NRXN1: variants seen among roughly 807,000 people sequenced by gnomAD.
The protein encoded by NRXN1 is neurexin 1.
NRXN1 carries 39 observed loss-of-function variants against 150.9 expected under a neutral mutation model. That is an observed-to-expected ratio of 0.26 (90% CI 0.20 to 0.34). NRXN1 has a LOEUF of 0.34. NRXN1 is among the 10% of genes least tolerant of loss of function. NRXN1 has a pLI of 1.00. For missense variants in NRXN1, 1,815 were observed against 1,949.9 expected, an observed-to-expected ratio of 0.93 and a Z score of 1.30; for synonymous variants, 924 against 757.0, an observed-to-expected ratio of 1.22 and a Z score of -3.62.
chr2:50,339,363 T>A (rs1474598524), intron 17 of NRXN1, among the ~76,000 whole-genome samples: 9 of 152,294 alleles, frequency 5.9e-5, no homozygotes, highest in Non-Finnish European at 1.2e-4. Context: ...GGTCACATTA[T>A]GCAATACATT....
intron 18 of NRXN1, among the ~76,000 whole-genome samples, chr2:50,157,937 C>A (rs2059124942): frequency 2.0e-5 from 3 of 151,190 alleles, no homozygotes; most frequent in South Asian, 2.1e-4. Flanking sequence ...TAGGAGTAAT[C>A]CCCCGAGAGT....
At chr2:50,169,711 C>CAAAAAAAA (rs11296551) in intron 18 of NRXN1, among the ~76,000 whole-genome samples, 3 of 103,814 alleles carry the variant, frequency 2.9e-5, no homozygotes, top group Non-Finnish European at 1.9e-5. Context: ...GCTTCCATCT[C>CAAAAAAAA]AAAAAAAAAA....
chr2:50,121,918 G>A (rs189003855), intron 18 of NRXN1, among the ~76,000 whole-genome samples: 9 of 152,242 alleles, frequency 5.9e-5, no homozygotes, highest in South Asian at 4.1e-4. Flanking sequence ...GCATACAACC[G>A]CAAGGGAGAA....
intron 17 of NRXN1, among the ~76,000 whole-genome samples, chr2:50,363,084 A>C (rs2079337771): frequency 6.6e-6 from 1 of 152,220 alleles, no homozygotes; most frequent in South Asian, 2.1e-4. Context: ...TTATACAAAA[A>C]TTAACTTGAT....
At chr2:50,905,359 A>AAGACAC (rs1300361559) in intron 5 of NRXN1, among the ~76,000 whole-genome samples, 21 of 152,260 alleles carry the variant, frequency 1.4e-4, no homozygotes, top group African/African-American at 4.8e-4. Context: ...GGAACCTGGT[A>AAGACAC]AGACACATAA....
chr2:50,506,496 T>C lies in NRXN1; in HGVS notation c.2496A>G (p.Thr832=), dbSNP rs1418474369. The C allele has an allele frequency of 8.7e-6, 14 of 1,612,032 alleles. No individual in the cohort carries two copies. The East Asian group carries it at 1.8e-4, about 21-fold the overall frequency. Residue 832 remains threonine, a splice_region_variant and synonymous_variant, in exon 13 of 23, where the codon ACA becomes ACG. Coordinates refer to ENST00000401669, the MANE Select transcript of NRXN1 (RefSeq NM_001330078.2). ...AGACAATGGGACAGAGGTGTTTACCTGTCATGGCCTGTTGGTCATCCACTG... is the reference window on the plus strand; with the variant it reads ...AGACAATGGGACAGAGGTGTTTACCCGTCATGGCCTGTTGGTCATCCACTG... ...KLTVDDQQAM[T]GQMAGDHTRL... is the part of the protein sequence containing the mutation.
At chr2:50,894,699 T>A (rs1046238250) in intron 5 of NRXN1, among the ~76,000 whole-genome samples, 1 of 152,144 alleles carries the variant, frequency 6.6e-6, no homozygotes, top group African/African-American at 2.4e-5. Flanking sequence ...AATTTATATG[T>A]AAATTATCTC....
intron 17 of NRXN1, among the ~76,000 whole-genome samples, chr2:50,282,477 T>G (rs1192860142): frequency 6.6e-6 from 1 of 152,122 alleles, no homozygotes; most frequent in East Asian, 1.9e-4. Flanking sequence ...ATATAAAATC[T>G]GAGTGTATGG....
chr2:50,288,634 T>C (rs1172286267), intron 17 of NRXN1, among the ~76,000 whole-genome samples: 1 of 152,114 alleles, frequency 6.6e-6, no homozygotes, highest in African/African-American at 2.4e-5. Context: ...TCTTACATGG[T>C]AGCAGGCAAG....
intron 21 of NRXN1, among the ~76,000 whole-genome samples, chr2:49,978,766 C>G (rs1416929637): frequency 6.7e-6 from 1 of 149,924 alleles, no homozygotes; most frequent in African/African-American, 2.4e-5. Flanking sequence ...ATTACAAACT[C>G]TATGGTGTGG....
At chr2:50,907,896 T>C (rs896905194) in intron 5 of NRXN1, among the ~76,000 whole-genome samples, 6 of 152,132 alleles carry the variant, frequency 3.9e-5, no homozygotes, top group Admixed American at 1.3e-4. Context: ...ATTACATTTG[T>C]AGTAATTTGT....
In NRXN1 at chr2:50,421,270, T is replaced by C. The variant is rs532420067; in HGVS notation, c.3364+44172A>G. Among the ~76,000 whole-genome samples, 125 of 151,950 alleles carry C rather than the reference T, an allele frequency of 8.2e-4. 1 individual carries two copies. The highest frequency in any genetic ancestry group is 2.9e-3 in the African/African-American group (120 of 41,284). On this transcript the variant is annotated intron_variant, in intron 17 of 22. Coordinates refer to ENST00000401669, the MANE Select transcript of NRXN1 (RefSeq NM_001330078.2). ...ACTTTGCATGCCAAAACAGCGATTT[T>C]CAATTTCAAAACTGTTGTATGCATC...
At chr2:50,664,577 G>T (rs1050923156) in intron 5 of NRXN1, among the ~76,000 whole-genome samples, 7 of 151,742 alleles carry the variant, frequency 4.6e-5, no homozygotes, top group African/African-American at 1.7e-4. Context: ...TGATTCGCTT[G>T]AAAAATTTAG....
At chr2:50,504,828 T>C (rs919694428) in intron 13 of NRXN1, among the ~76,000 whole-genome samples, 1 of 152,192 alleles carries the variant, frequency 6.6e-6, no homozygotes, top group Admixed American at 6.6e-5. Flanking sequence ...CACCATGCAC[T>C]TGCAAGAAGC....
intron 8 of NRXN1, among the ~76,000 whole-genome samples, chr2:50,604,428 G>C (rs1676769365): frequency 6.6e-6 from 1 of 152,140 alleles, no homozygotes; most frequent in Non-Finnish European, 1.5e-5. Flanking sequence ...GTCACATCCT[G>C]TCATTACTTT....
chr2:50,622,927 C>CA, intron 6 of NRXN1, among the ~76,000 whole-genome samples: 1 of 152,080 alleles, frequency 6.6e-6, no homozygotes, highest in African/African-American at 2.4e-5. Flanking sequence ...TTTTCGACTA[C>CA]AAAAAAGGAA....
intron 8 of NRXN1, among the ~76,000 whole-genome samples, chr2:50,593,621 T>C (rs1014283980): frequency 3.3e-5 from 5 of 152,190 alleles, no homozygotes; most frequent in Non-Finnish European, 7.3e-5. Flanking sequence ...TCTTACAGAG[T>C]AGATTTTGTG....
chr2:50,029,086 G>C (rs1268742561), intron 21 of NRXN1, among the ~76,000 whole-genome samples: 1 of 152,152 alleles, frequency 6.6e-6, no homozygotes, highest in Admixed American at 6.5e-5. Flanking sequence ...TAGGTGTTGA[G>C]GATGGAGGCT....
chr2:50,302,204 T>G (rs1451796729), intron 17 of NRXN1, among the ~76,000 whole-genome samples: 1 of 152,186 alleles, frequency 6.6e-6, no homozygotes, highest in East Asian at 1.9e-4. Context: ...GAGATTTTTT[T>G]CTTCTTTCCC....
Sources: allele counts gnomAD v4.1 joint callset (sites outside exome capture counted in the v4.1 genomes callset), GRCh38; gene constraint gnomAD v4.1.1; transcripts MANE v1.5; gene names NCBI Gene and HGNC (gene_info 2026-07-23, HGNC 2026-07-21).